The following RNF145 variants were observed in gnomAD, a reference collection of about 807,000 sequenced individuals.
RNF145 encodes the protein ring finger protein 145.
Under a neutral mutation model 57.3 loss-of-function variants are expected in RNF145, and 12 were observed. The observed-to-expected ratio is 0.21, with a 90% CI of 0.13 to 0.34. The LOEUF is 0.34. RNF145 is among the 10% of genes least tolerant of loss of function. The pLI is 1.00. For missense variants in RNF145, 429 were observed against 799.0 expected, an observed-to-expected ratio of 0.54 and a Z score of 5.58; for synonymous variants, 262 against 288.3, an observed-to-expected ratio of 0.91 and a Z score of 0.92.
rs1412773527 is a variant in RNF145, at chr5:159,157,651, T to A, written c.*1019A>T. ...TGTAGCCATGATGAATGTAAAAATT[T>A]AAATATGACACATCCTTGTCAAAGA... On this transcript the variant is annotated 3_prime_UTR_variant, in exon 11 of 11. Transcript: ENST00000424310. The A allele has an allele frequency of 1.3e-5, 2 of 152,762 alleles. No individual in the cohort carries two copies. The highest frequency in any genetic ancestry group is 2.9e-5 in the Non-Finnish European group (2 of 68,048). The allele number at this position is 152,762 out of a possible 1,614,324, so 9.5% of individuals were successfully genotyped here. A position where few individuals can be genotyped will look rare whatever the true frequency, so the allele number is the denominator to read the frequency against.
rs376276796 is a variant in RNF145 at position 159,175,710 on chromosome 5, G to A, written c.621+922C>T. 2.0e-5 allele frequency among the ~76,000 whole-genome samples: 3 copies of A among 152,118 alleles called. No individual in the cohort carries two copies. The South Asian group carries it at 6.2e-4, about 32-fold the overall frequency. ...CAAGTTAATCACTGTGTAAGACGAA[G>A]ATAGAATCAGGCTAAGGCCAAAAGC... On this transcript the variant is annotated intron_variant, in intron 5 of 10. Transcript: ENST00000424310.
intron 3 of RNF145, among the ~76,000 whole-genome samples, chr5:159,192,350 T>C (rs1241402584): frequency 6.6e-6 from 1 of 152,130 alleles, no homozygotes. Context: ...TAGCCATCAC[T>C]ACACCACAAA....
intron 5 of RNF145, 112 bp downstream of exon 5, chr5:159,176,520 C>A: frequency 1.5e-6 from 1 of 674,830 alleles, no homozygotes; most frequent in South Asian, 2.1e-5. Flanking sequence ...TGTTTTGAAA[C>A]TGCAAAAATG....
At chr5:159,180,747 A>C (rs1359151971) in intron 4 of RNF145, among the ~76,000 whole-genome samples, 2 of 152,156 alleles carry the variant, frequency 1.3e-5, no homozygotes, top group African/African-American at 4.8e-5. Flanking sequence ...AGATGTATTA[A>C]AAGTTAACCT....
At chr5:159,173,917 C>G in intron 6 of RNF145, 66 bp downstream of exon 6, 1 of 1,096,572 alleles carries the variant, frequency 9.1e-7, no homozygotes, top group East Asian at 2.6e-5. Context: ...GCAAAACTTA[C>G]TATTCCTAGA....
chr5:159,177,593 C>T (rs1401470433), intron 4 of RNF145, among the ~76,000 whole-genome samples: 1 of 151,914 alleles, frequency 6.6e-6, no homozygotes, highest in Admixed American at 6.6e-5. Context: ...TTATAAAATG[C>T]TTTGTATGAA....
intron 10 of RNF145, among the ~76,000 whole-genome samples, chr5:159,159,599 A>G (rs1180733077): frequency 3.3e-5 from 5 of 152,342 alleles, no homozygotes; most frequent in African/African-American, 4.8e-5. Flanking sequence ...CTCAACTTGC[A>G]TAAGAACCAC....
chr5:159,208,427 G>T (rs896565515), intron 1 of RNF145, among the ~76,000 whole-genome samples: 1 of 152,150 alleles, frequency 6.6e-6, no homozygotes, highest in African/African-American at 2.4e-5. Context: ...GGGGGTTCAC[G>T]GGTCTGAGGG....
intron 6 of RNF145, among the ~76,000 whole-genome samples, chr5:159,170,041 A>C (rs940657121): frequency 6.6e-6 from 1 of 152,236 alleles, no homozygotes; most frequent in Non-Finnish European, 1.5e-5. Context: ...TATGCAGTAC[A>C]TAGCACCAGA....
intron 3 of RNF145, among the ~76,000 whole-genome samples, chr5:159,191,079 CAAA>C (rs545613338): frequency 1.5e-4 from 9 of 61,288 alleles, no homozygotes; most frequent in Non-Finnish European, 2.1e-4. Flanking sequence ...AGCTGATGAG[CAAA>C]AAAAAAAAAA....
rs1784107678 is a variant in RNF145 at position 159,158,360 on chromosome 5, A to T, written c.*310T>A. ...CCTTCAACACTCAAAATCTGATTTT[A>T]TTTCTCTCTCACACGTATCAGGGGC... is the stretch of plus-strand genomic sequence containing the variant. On this transcript the variant is annotated 3_prime_UTR_variant, in exon 11 of 11. Coordinates refer to ENST00000424310, the MANE Select transcript of RNF145 (RefSeq NM_001199383.2). 1 of 305,922 alleles carries T rather than the reference A, an allele frequency of 3.3e-6. No individual in the cohort carries two copies. Among genetic ancestry groups the T allele is most frequent in the Non-Finnish European group, 6.2e-6 (1 of 161,130 alleles). 19.0% of individuals were successfully genotyped at this position (305,922 alleles called of 1,614,324 possible).
In RNF145 at chr5:159,209,376, C is replaced by G. The variant is rs1036268033; in HGVS notation, c.-185G>C. The stretch of plus-strand genomic sequence containing the variant: ...GGCTCACAGCGGCGGCTCTTCTGCG[C>G]CGAGCCTCGGATGTTGCTTCTGGGG... On this transcript the variant is annotated 5_prime_UTR_variant, in exon 1 of 11. Coordinates refer to ENST00000424310, the MANE Select transcript of RNF145 (RefSeq NM_001199383.2). The G allele has an allele frequency of 1.8e-5, 18 of 986,096 alleles. No individual in the cohort carries two copies. In the African/African-American group the frequency reaches 3.0e-4, roughly 16 times the overall value. The allele number at this position is 986,096 out of a possible 1,614,324, so 61.1% of individuals were successfully genotyped here. A position where few individuals can be genotyped will look rare whatever the true frequency, so the allele number is the denominator to read the frequency against.
intron 2 of RNF145, among the ~76,000 whole-genome samples, chr5:159,202,432 C>T (rs1030280138): frequency 6.6e-6 from 1 of 152,174 alleles, no homozygotes; most frequent in Non-Finnish European, 1.5e-5. Context: ...GTGCTATCCA[C>T]AAAAGATGAG....
At chr5:159,171,106 T>C (rs758231419) in intron 6 of RNF145, among the ~76,000 whole-genome samples, 1 of 152,194 alleles carries the variant, frequency 6.6e-6, no homozygotes, top group Non-Finnish European at 1.5e-5. Flanking sequence ...AGAAAAAAAG[T>C]CTGGTTTTCT....
At chr5:159,168,818 T>C in intron 8 of RNF145, 55 bp downstream of exon 8, 1 of 1,109,932 alleles carries the variant, frequency 9.0e-7, no homozygotes, top group Non-Finnish European at 1.2e-6. Flanking sequence ...AGACAACAAA[T>C]GCATGTAAAG....
chr5:159,172,040 A>G (rs1374423944), intron 6 of RNF145, among the ~76,000 whole-genome samples: 1 of 152,210 alleles, frequency 6.6e-6, no homozygotes. Flanking sequence ...TAAATTGTTA[A>G]GCCTACTGCA....
intron 4 of RNF145, among the ~76,000 whole-genome samples, chr5:159,179,065 T>A (rs1784798893): frequency 6.6e-6 from 1 of 152,114 alleles, no homozygotes; most frequent in South Asian, 2.1e-4. Context: ...TTTATAGCTA[T>A]GAAATTTAAA....
At chr5:159,159,081 G>C in intron 10 of RNF145, 46 bp from the exon 11 acceptor site, 1 of 1,542,828 alleles carries the variant, frequency 6.5e-7, no homozygotes. Flanking sequence ...CTGTTTTCTA[G>C]TATCTTTGGT....
At chr5:159,186,786 G>A (rs1237261917) in intron 3 of RNF145, among the ~76,000 whole-genome samples, 1 of 152,038 alleles carries the variant, frequency 6.6e-6, no homozygotes, top group East Asian at 1.9e-4. Context: ...CAGAACACAT[G>A]TCAAACAGTG....
Sources: gnomAD v4.1 joint callset for allele counts (sites outside exome capture counted in the v4.1 genomes callset) on GRCh38, gnomAD v4.1.1 for gene constraint, MANE v1.5 for transcripts, NCBI Gene and HGNC (gene_info 2026-07-23, HGNC 2026-07-21) for gene names.